Variants in LRRC9 observed in about 807,000 individuals in gnomAD.
LRRC9 encodes the protein leucine-rich repeat-containing protein 9.
A neutral mutation model predicts 63.2 loss-of-function variants in LRRC9; 122 were observed. The observed-to-expected ratio is 1.93, with a 90% CI of 1.67 to 2.24. The LOEUF (loss-of-function observed/expected upper bound fraction) is 2.24. LRRC9 is among the 30% of genes most tolerant of loss of function. LRRC9 has a pLI of 0.00. For missense variants in LRRC9, 1,071 were observed against 627.7 expected (o/e 1.71, Z -7.55); for synonymous variants, 366 against 213.1 (o/e 1.72, Z -6.25).
chr14:60,039,753 C>T (rs933428631), intron 29 of LRRC9, among the ~76,000 whole-genome samples: 1 of 151,856 alleles, frequency 6.6e-6, no homozygotes, highest in African/African-American at 2.4e-5. Context: ...TTTTTTGTGT[C>T]TCTATCTCCT....
chr14:60,043,741 T>TGTA (rs1368451595), intron 29 of LRRC9, among the ~76,000 whole-genome samples: 1 of 149,560 alleles, frequency 6.7e-6, no homozygotes, highest in Non-Finnish European at 1.5e-5. Context: ...GAGCGTAGCC[T>TGTA]GTAGTTTTCT....
Position 60,031,861 on chromosome 14 carries a change from C to A in LRRC9, c.3922-134C>A, listed in dbSNP as rs17834334. 68,519 of 591,122 alleles carry A rather than the reference C, an allele frequency of 0.12. 5,027 individuals are homozygous for A. Among genetic ancestry groups the A allele is most frequent in the Non-Finnish European group, 0.15 (48,670 of 333,078 alleles). 36.6% of individuals were successfully genotyped at this position (591,122 alleles called of 1,614,324 possible). A position where few individuals can be genotyped will look rare whatever the true frequency, so the allele number is the denominator to read the frequency against. ...TATTCAAGAATACAGAATACTGTCA[C>A]TCAAGCTCACTTCAGAGAATTCAAT... is the stretch of plus-strand genomic sequence containing the variant. On this transcript the variant is annotated intron_variant, in intron 28 of 31. Coordinates refer to ENST00000445360, the Ensembl canonical transcript of LRRC9. The surrounding 1 kb of genome is among the most constrained non-coding windows in gnomAD (Gnocchi z 4.6).
chr14:59,984,022 G>A (rs542769794), intron 16 of LRRC9, among the ~76,000 whole-genome samples: 111 of 152,268 alleles, frequency 7.3e-4, no homozygotes, highest in African/African-American at 2.4e-3. Flanking sequence ...GTGATATAAC[G>A]GTGTGGCCTG....
rs529219366 is a variant in LRRC9 at position 60,048,381 on chromosome 14, A to G, written c.3991-4684A>G. ...TTTTTTGAAAAAATTAATAAAATAG[A>G]TAGACTGCTAACTAGACTAGTAAAG... On this transcript the variant is annotated intron_variant, in intron 29 of 31. Coordinates refer to ENST00000445360, the Ensembl canonical transcript of LRRC9. Among the ~76,000 whole-genome samples, 4 of 152,188 alleles carry G rather than the reference A, an allele frequency of 2.6e-5. No individual in the cohort carries two copies. In the South Asian group the frequency reaches 8.3e-4, roughly 32 times the overall value.
intron 8 of LRRC9, 60 bp from the exon 9 acceptor site, chr14:59,959,758 C>T (rs1884157477): frequency 8.0e-6 from 4 of 498,330 alleles, no homozygotes; most frequent in East Asian, 6.3e-5. Flanking sequence ...ATCTGAATTC[C>T]GACTTTGCCT....
At chr14:60,030,470 C>G (rs1044884926) in intron 28 of LRRC9, 1 of 152,034 alleles carries the variant, frequency 6.6e-6, no homozygotes, top group East Asian at 1.9e-4. Flanking sequence ...AATGATTCCC[C>G]TACCTGGCAT....
At chr14:60,002,937 G>A (rs1045478171) in intron 20 of LRRC9, among the ~76,000 whole-genome samples, 10 of 152,160 alleles carry the variant, frequency 6.6e-5, no homozygotes, top group African/African-American at 2.4e-4. Flanking sequence ...CAAGGGAGTA[G>A]GGGAGCTGGT....
At chr14:60,050,363 T>C (rs1004783040) in intron 29 of LRRC9, among the ~76,000 whole-genome samples, 10 of 152,188 alleles carry the variant, frequency 6.6e-5, no homozygotes, top group African/African-American at 2.4e-4. Context: ...ATTCTGCTAT[T>C]GATATTTATG....
At chr14:59,997,629 C>A in intron 17 of LRRC9, 27 bp from the exon 18 acceptor site, 2 of 637,326 alleles carry the variant, frequency 3.1e-6, no homozygotes, top group South Asian at 1.8e-5. Context: ...ATTCTCTTAG[C>A]ATCACTTTTA....
intron 29 of LRRC9, among the ~76,000 whole-genome samples, chr14:60,046,040 CAT>C (rs1893396699): frequency 6.6e-6 from 1 of 151,972 alleles, no homozygotes; most frequent in South Asian, 2.1e-4. Flanking sequence ...AGCTTTTTTT[CAT>C]ATGTTCATCA....
chr14:59,928,714 T>A (rs1247960975), intron 3 of LRRC9, among the ~76,000 whole-genome samples: 1 of 151,950 alleles, frequency 6.6e-6, no homozygotes, highest in African/African-American at 2.4e-5. Flanking sequence ...CATGTTACTG[T>A]TACAAAACAG....
Position 60,060,937 on chromosome 14 carries a change from G to A in LRRC9, c.4277-2386G>A, listed in dbSNP as rs1442596671. ...CAGGACTTCAGTGAAGGAAGTAACT[G>A]CAGATGTGTGGAAACAGCAAGAGAA... is the stretch of plus-strand genomic sequence containing the variant. On this transcript the variant is annotated intron_variant, in intron 31 of 31. Coordinates refer to ENST00000445360, the Ensembl canonical transcript of LRRC9. This position sits in a 1 kb window ranked among gnomAD's most constrained non-coding sequence, Gnocchi z 4.0. Among the ~76,000 whole-genome samples, 1 of 152,176 alleles carries A rather than the reference G, an allele frequency of 6.6e-6. No homozygotes were observed. The highest frequency in any genetic ancestry group is 2.4e-5 in the African/African-American group (1 of 41,452).
chr14:59,991,566 G>C (rs1291648715), intron 17 of LRRC9, among the ~76,000 whole-genome samples: 3 of 152,140 alleles, frequency 2.0e-5, no homozygotes, highest in Admixed American at 6.5e-5. Context: ...CCCTTTCCTA[G>C]TCAAAGAAAG....
intron 17 of LRRC9, among the ~76,000 whole-genome samples, chr14:59,995,610 C>T (rs1444299789): frequency 6.6e-6 from 1 of 151,922 alleles, no homozygotes; most frequent in African/African-American, 2.4e-5. Context: ...AATGCTATTG[C>T]AAAACTGAAA....
At chr14:59,997,744 T>C (rs958676614) in exon 18 of LRRC9, 22 of 702,620 alleles carry the variant, frequency 3.1e-5, no homozygotes, top group Middle Eastern at 2.3e-4. Context: ...CACTTAGACT[T>C]GAGCTGGAAT....
chr14:59,940,362 A>T (rs1292728132), intron 7 of LRRC9, among the ~76,000 whole-genome samples: 1 of 152,122 alleles, frequency 6.6e-6, no homozygotes, highest in Admixed American at 6.6e-5. Flanking sequence ...CTTCCCTACT[A>T]TGCATGAGAC....
intron 17 of LRRC9, among the ~76,000 whole-genome samples, chr14:59,996,333 ACT>A (rs1354545270): frequency 2.0e-5 from 3 of 152,030 alleles, no homozygotes; most frequent in African/African-American, 7.2e-5. Context: ...AAAGTCAGTA[ACT>A]CTGTTCATTT....
At chr14:59,946,492 C>CTT (rs201416774) in intron 8 of LRRC9, among the ~76,000 whole-genome samples, 3 of 144,818 alleles carry the variant, frequency 2.1e-5, no homozygotes, top group African/African-American at 7.6e-5. Context: ...AATCTATTTT[C>CTT]TTTTTTTTTG....
intron 8 of LRRC9, among the ~76,000 whole-genome samples, chr14:59,954,748 C>G (rs922927457): frequency 1.3e-5 from 2 of 151,380 alleles, no homozygotes; most frequent in African/African-American, 4.8e-5. Flanking sequence ...ACACTTCCAG[C>G]TTTTGCCCAT....
Sources: allele counts gnomAD v4.1 joint callset (sites outside exome capture counted in the v4.1 genomes callset), GRCh38; gene constraint gnomAD v4.1.1; non-coding constraint Gnocchi (gnomAD v3.1); transcripts MANE v1.5; gene names NCBI Gene and HGNC (gene_info 2026-07-23, HGNC 2026-07-21).